Variants in CELF1 observed in about 807,000 individuals in gnomAD.
CELF1 encodes the protein 50 kDa nuclear polyadenylated RNA-binding protein.
A neutral mutation model predicts 61.8 loss-of-function variants in CELF1; 10 were observed. That is an observed-to-expected ratio of 0.16 (90% CI 0.10 to 0.27). The LOEUF (loss-of-function observed/expected upper bound fraction) is 0.27. Among genes scored for constraint, CELF1 ranks in the 10% least tolerant of loss-of-function variants. The pLI is 1.00. For synonymous variants in CELF1, 236 were observed against 225.1 expected, an observed-to-expected ratio of 1.05 and a Z score of -0.43; for missense variants, 380 against 639.1, an observed-to-expected ratio of 0.59 and a Z score of 4.37.
chr11:47,524,729 G>A (rs2096148938), intron 1 of CELF1: 1 of 152,222 alleles, frequency 6.6e-6, no homozygotes, highest in Non-Finnish European at 1.5e-5. Context: ...TGGAACAGCA[G>A]CTTCAGCAGA....
intron 1 of CELF1, among the ~76,000 whole-genome samples, chr11:47,501,392 A>T (rs921083008): frequency 6.6e-6 from 1 of 152,220 alleles, no homozygotes; most frequent in African/African-American, 2.4e-5. Flanking sequence ...TCCTACGTAC[A>T]TTGGAACTGA....
At chr11:47,536,141 G>C (rs1244004443) in intron 1 of CELF1, among the ~76,000 whole-genome samples, 1 of 152,060 alleles carries the variant, frequency 6.6e-6, no homozygotes, top group African/African-American at 2.4e-5. Flanking sequence ...GGCTGAGGCA[G>C]GTGAATCACT....
rs1367702690 is a variant in CELF1, at chr11:47,470,077, T to A, written c.*2153A>T. The A allele has an allele frequency of 6.6e-6, 1 of 152,136 alleles. No homozygotes were observed. The highest frequency in any genetic ancestry group is 1.5e-5 in the Non-Finnish European group (1 of 68,034). 9.4% of individuals were successfully genotyped at this position (152,136 alleles called of 1,614,324 possible). A position where few individuals can be genotyped will look rare whatever the true frequency, so the allele number is the denominator to read the frequency against. On this transcript the variant is annotated 3_prime_UTR_variant, in exon 15 of 15. Transcript: ENST00000687097. ...TGGGCTGCAAACGGGCCACAGAAAG[T>A]CAGTAGTTTCAATCATACACAGCAC...
At chr11:47,477,115 A>G (rs2080577758) in intron 11 of CELF1, 156 bp from the exon 12 acceptor site, 1 of 866,362 alleles carries the variant, frequency 1.2e-6, no homozygotes, top group African/African-American at 1.7e-5. Flanking sequence ...TAATGGCCAC[A>G]GCACATTGAA....
chr11:47,540,961 A>G (rs912051932), intron 1 of CELF1, among the ~76,000 whole-genome samples: 1 of 152,168 alleles, frequency 6.6e-6, no homozygotes, highest in Admixed American at 6.6e-5. Flanking sequence ...CTCACTGAGA[A>G]TATCCCACCC....
At chr11:47,547,596 G>C (rs1307421781) in intron 1 of CELF1, among the ~76,000 whole-genome samples, 1 of 150,888 alleles carries the variant, frequency 6.6e-6, no homozygotes, top group Non-Finnish European at 1.5e-5. Context: ...TTGAACCCGG[G>C]AGGCGGAGGT....
At chr11:47,529,862 G>C (rs2096404846) in intron 1 of CELF1, among the ~76,000 whole-genome samples, 1 of 152,062 alleles carries the variant, frequency 6.6e-6, no homozygotes, top group Admixed American at 6.6e-5. Flanking sequence ...GGACACCAGA[G>C]TATGAAAGAC....
chr11:47,500,741 T>TC (rs1448536408), intron 2 of CELF1, 120 bp downstream of exon 2: 56 of 393,686 alleles, frequency 1.4e-4, no homozygotes, highest in Non-Finnish European at 4.5e-6. Flanking sequence ...TAGCTCCACA[T>TC]CCCCCCAAAC....
chr11:47,525,192 C>T (rs2096173014), intron 1 of CELF1, among the ~76,000 whole-genome samples: 1 of 152,122 alleles, frequency 6.6e-6, no homozygotes, highest in South Asian at 2.1e-4. Flanking sequence ...ATGTTTTGAG[C>T]TCTTTTTTAT....
chr11:47,490,921 G>A (rs1217529304), intron 3 of CELF1, among the ~76,000 whole-genome samples: 7 of 151,224 alleles, frequency 4.6e-5, no homozygotes, highest in Non-Finnish European at 7.4e-5. Flanking sequence ...GAGTGCAATG[G>A]TGCCATCTCG....
chr11:47,481,095 TCTTCTTC>T (rs745772331), intron 9 of CELF1, among the ~76,000 whole-genome samples: 82 of 110,628 alleles, frequency 7.4e-4, no homozygotes, highest in Middle Eastern at 0.012. Context: ...TTTTTTTTTT[TCTTCTTC>T]TTTTTTTTTT....
At chr11:47,522,644 G>A (rs192593861) in intron 1 of CELF1, among the ~76,000 whole-genome samples, 7 of 151,508 alleles carry the variant, frequency 4.6e-5, no homozygotes, top group African/African-American at 1.5e-4. Flanking sequence ...CCTGGCCAAC[G>A]TGGTGAAACC....
intron 1 of CELF1, among the ~76,000 whole-genome samples, chr11:47,565,071 T>A (rs1274862565): frequency 6.6e-6 from 1 of 152,034 alleles, no homozygotes; most frequent in East Asian, 1.9e-4. Flanking sequence ...GCTCCTCTGT[T>A]TGAAAGCTCT....
chr11:47,498,774 C>T (rs1476506926), intron 3 of CELF1, among the ~76,000 whole-genome samples: 1 of 152,134 alleles, frequency 6.6e-6, no homozygotes, highest in Non-Finnish European at 1.5e-5. Context: ...AACAGCAGTT[C>T]TTGGACAGTA....
chr11:47,554,663 G>GTTT (rs35866451), upstream of CELF1, among the ~76,000 whole-genome samples: 10 of 142,290 alleles, frequency 7.0e-5, no homozygotes, highest in Non-Finnish European at 1.2e-4. Flanking sequence ...ATCTAACACA[G>GTTT]TTTTTTTTTT....
chr11:47,522,267 T>C (rs1215533246), intron 1 of CELF1, among the ~76,000 whole-genome samples: 1 of 151,712 alleles, frequency 6.6e-6, no homozygotes, highest in Non-Finnish European at 1.5e-5. Flanking sequence ...GGCTCAAGCC[T>C]GTAACCCCAG....
At chr11:47,564,237 TG>T (rs1345243927) in intron 2 of CELF1, 2 of 150,662 alleles carry the variant, frequency 1.3e-5, no homozygotes, top group Non-Finnish European at 2.9e-5. Flanking sequence ...CCTGGCACTT[TG>T]GGAGGCCAGG....
intron 10 of CELF1, chr11:47,477,724 G>A (rs1024757359): frequency 3.5e-6 from 1 of 286,718 alleles, no homozygotes; most frequent in South Asian, 4.2e-5. Context: ...AGGGCCAGGA[G>A]CACAGGAGAA....
intron 1 of CELF1, among the ~76,000 whole-genome samples, chr11:47,504,629 G>A (rs1466419508): frequency 2.7e-5 from 4 of 150,566 alleles, no homozygotes; most frequent in Non-Finnish European, 4.4e-5. Context: ...GGCTGGGCGC[G>A]GTGGCTCACC....
Sources: allele counts gnomAD v4.1 joint callset (sites outside exome capture counted in the v4.1 genomes callset), GRCh38; gene constraint gnomAD v4.1.1; transcripts MANE v1.5; gene names NCBI Gene and HGNC (gene_info 2026-07-23, HGNC 2026-07-21).